Variants in TMC1 observed in about 807,000 individuals in gnomAD.
The protein encoded by TMC1 is transmembrane channel like 1.
A neutral mutation model predicts 105.8 loss-of-function variants in TMC1; 84 were observed. That is an observed-to-expected ratio of 0.79 (90% CI 0.67 to 0.95). The LOEUF (loss-of-function observed/expected upper bound fraction) is 0.95. Ranked by LOEUF, TMC1 falls within the 40% of genes least tolerant of loss-of-function variation. The pLI is 0.00. For missense variants in TMC1, 817 were observed against 914.1 expected, an observed-to-expected ratio of 0.89 and a Z score of 1.37; for synonymous variants, 315 against 311.5, an observed-to-expected ratio of 1.01 and a Z score of -0.12.
At chr9:72,565,956 CTG>C (rs1824145141) in intron 1 of TMC1, among the ~76,000 whole-genome samples, 1 of 152,190 alleles carries the variant, frequency 6.6e-6, no homozygotes, top group Non-Finnish European at 1.5e-5. Context: ...CACAGCCAAA[CTG>C]TATCAGTATG....
At chr9:72,569,309 T>C (rs1824226982) in intron 1 of TMC1, among the ~76,000 whole-genome samples, 1 of 152,158 alleles carries the variant, frequency 6.6e-6, no homozygotes, top group African/African-American at 2.4e-5. Flanking sequence ...TTTTTTTTTT[T>C]CCAGAATCTT....
intron 2 of TMC1, among the ~76,000 whole-genome samples, chr9:72,587,460 C>T (rs1264988086): frequency 1.3e-5 from 2 of 152,126 alleles, no homozygotes; most frequent in Non-Finnish European, 2.9e-5. Flanking sequence ...GCCCAGCCAA[C>T]AGATAACTTT....
At chr9:72,621,355 A>G (rs1021031781) in intron 3 of TMC1, among the ~76,000 whole-genome samples, 2 of 152,152 alleles carry the variant, frequency 1.3e-5, no homozygotes, top group African/African-American at 4.8e-5. Flanking sequence ...GTAATTACTG[A>G]CCCTCACAAC....
intron 17 of TMC1, among the ~76,000 whole-genome samples, chr9:72,794,769 C>T (rs12005408): frequency 0.092 from 14,062 of 152,174 alleles, 711 homozygotes; most frequent in Non-Finnish European, 0.13. Flanking sequence ...GAGTTCTTAA[C>T]GAGGCTGAGC....
chr9:72,778,895 A>C lies in TMC1; in HGVS notation c.884+6340A>C, dbSNP rs569068713. Reference sequence around the variant, plus strand: ...GGAGAGCTTCTGAAGACAAGCCTCCACCCGCACACAACCACCTGCAGCCTC... The same window carrying C: ...GGAGAGCTTCTGAAGACAAGCCTCCCCCCGCACACAACCACCTGCAGCCTC... On this transcript the variant is annotated intron_variant, in intron 13 of 23. Coordinates refer to ENST00000297784, the MANE Select transcript of TMC1 (RefSeq NM_138691.3). Among the ~76,000 whole-genome samples the C allele has an allele frequency of 2.6e-5, 4 of 152,070 alleles. No homozygotes were observed. The East Asian group carries it at 5.8e-4, about 22-fold the overall frequency.
At chr9:72,670,639 T>C (rs1157009429) in intron 5 of TMC1, among the ~76,000 whole-genome samples, 1 of 152,158 alleles carries the variant, frequency 6.6e-6, no homozygotes, top group Non-Finnish European at 1.5e-5. Flanking sequence ...TAATTATAAC[T>C]GCCAACTCTA....
At chr9:72,757,071 C>A (rs1827686411) in intron 12 of TMC1, among the ~76,000 whole-genome samples, 1 of 152,078 alleles carries the variant, frequency 6.6e-6, no homozygotes, top group Non-Finnish European at 1.5e-5. Flanking sequence ...TATTTCAAGG[C>A]CTGCCTGAAA....
At chr9:72,534,767 G>A (rs1336407494) in intron 1 of TMC1, among the ~76,000 whole-genome samples, 1 of 152,150 alleles carries the variant, frequency 6.6e-6, no homozygotes, top group Non-Finnish European at 1.5e-5. Flanking sequence ...TTTTAACGAT[G>A]CATTTAGGTT....
At chr9:72,617,609 T>A (rs1314418214) in intron 3 of TMC1, among the ~76,000 whole-genome samples, 1 of 152,068 alleles carries the variant, frequency 6.6e-6, no homozygotes, top group African/African-American at 2.4e-5. Flanking sequence ...ATTTTATTCA[T>A]CACACAGGCA....
intron 1 of TMC1, among the ~76,000 whole-genome samples, chr9:72,564,031 T>C (rs565773761): frequency 1.8e-4 from 27 of 152,082 alleles, no homozygotes; most frequent in African/African-American, 6.3e-4. Flanking sequence ...TAGGCGATCA[T>C]ATCACTGTCT....
intron 4 of TMC1, among the ~76,000 whole-genome samples, chr9:72,640,146 G>T (rs1825602591): frequency 6.6e-6 from 1 of 152,058 alleles, no homozygotes; most frequent in Admixed American, 6.6e-5. Flanking sequence ...TACTAATGTT[G>T]TATATTGGTA....
At chr9:72,655,530 C>G (rs1825870088) in intron 5 of TMC1, among the ~76,000 whole-genome samples, 2 of 151,992 alleles carry the variant, frequency 1.3e-5, no homozygotes, top group Non-Finnish European at 2.9e-5. Flanking sequence ...TTTGGCAGGT[C>G]AAGAGATCGA....
At chr9:72,685,097 A>ATTT (rs1771194393) in intron 5 of TMC1, among the ~76,000 whole-genome samples, 1 of 125,754 alleles carries the variant, frequency 8.0e-6, no homozygotes, top group Non-Finnish European at 1.6e-5. Flanking sequence ...TTATAAAGTC[A>ATTT]TTCTTTTTTT....
At chr9:72,560,839 C>T (rs1824033579) in intron 1 of TMC1, among the ~76,000 whole-genome samples, 1 of 152,102 alleles carries the variant, frequency 6.6e-6, no homozygotes, top group South Asian at 2.1e-4. Context: ...ATTTCCTCAA[C>T]TAAACTTCAT....
chr9:72,537,750 C>T (rs1400655654), intron 1 of TMC1, among the ~76,000 whole-genome samples: 6 of 152,146 alleles, frequency 3.9e-5, no homozygotes, highest in Non-Finnish European at 8.8e-5. Flanking sequence ...AAAGGCAAGA[C>T]ATCTACAAGT....
chr9:72,557,895 A>G (rs1823970831), intron 1 of TMC1, among the ~76,000 whole-genome samples: 2 of 152,180 alleles, frequency 1.3e-5, no homozygotes, highest in Admixed American at 6.5e-5. Context: ...CTGGAGCCCA[A>G]GTGGATGTCT....
chr9:72,791,197 C>T (rs1828260812), intron 15 of TMC1, among the ~76,000 whole-genome samples: 1 of 151,912 alleles, frequency 6.6e-6, no homozygotes, highest in Admixed American at 6.6e-5. Flanking sequence ...TTCTTTCTCT[C>T]TCCCCCCTCT....
intron 2 of TMC1, among the ~76,000 whole-genome samples, chr9:72,607,002 T>TATATATATATAGAGAGAGAGAGAG (rs372785242): frequency 3.7e-5 from 5 of 134,972 alleles, no homozygotes; most frequent in Non-Finnish European, 6.3e-5. Flanking sequence ...TATATATATA[T>TATATATATATAGAGAGAGAGAGAG]AGAGAGAGAG....
rs191108954 is a variant in TMC1, at chr9:72,780,060, C to T, written c.884+7505C>T. Among the ~76,000 whole-genome samples the T allele has an allele frequency of 1.5e-4, 23 of 152,252 alleles. No homozygotes were observed. In the East Asian group the frequency reaches 4.4e-3, roughly 29 times the overall value. On this transcript the variant is annotated intron_variant, in intron 13 of 23. Transcript: ENST00000297784. The stretch of plus-strand genomic sequence containing the variant: ...AAGAACCCATCACACTAATGGCAGA[C>T]CTTTCAGCAGAAGCAGTACAACCAA...
Sources: gnomAD v4.1 joint callset for allele counts (sites outside exome capture counted in the v4.1 genomes callset) on GRCh38, gnomAD v4.1.1 for gene constraint, MANE v1.5 for transcripts, NCBI Gene and HGNC (gene_info 2026-07-23, HGNC 2026-07-21) for gene names.